ARSK: variants seen among roughly 807,000 people sequenced by gnomAD.
ARSK encodes arylsulfatase K.
Under a neutral mutation model 53.2 loss-of-function variants are expected in ARSK, and 37 were observed. The ratio of observed to expected loss-of-function variants is 0.70; its 90% CI spans 0.54 to 0.92. The LOEUF (loss-of-function observed/expected upper bound fraction) is 0.92. Ranked by LOEUF, ARSK falls within the 40% of genes least tolerant of loss-of-function variation. The pLI is 0.00. For missense variants in ARSK, 613 were observed against 643.0 expected (o/e 0.95, Z 0.51); for synonymous variants, 208 against 223.2 (o/e 0.93, Z 0.61).
chr5:95,582,209 G>A (rs1472518293), intron 3 of ARSK, among the ~76,000 whole-genome samples: 2 of 152,060 alleles, frequency 1.3e-5, no homozygotes, highest in Non-Finnish European at 2.9e-5. Context: ...CACCAATTAT[G>A]TCAGCTACAT....
chr5:95,593,810 G>T (rs180765806), intron 6 of ARSK, among the ~76,000 whole-genome samples: 1 of 151,886 alleles, frequency 6.6e-6, no homozygotes, highest in East Asian at 1.9e-4. Context: ...GCACCTGTAG[G>T]TTTTTTTCCT....
At chr5:95,594,395 T>G (rs947199540) in intron 6 of ARSK, among the ~76,000 whole-genome samples, 3 of 152,140 alleles carry the variant, frequency 2.0e-5, no homozygotes, top group African/African-American at 7.2e-5. Context: ...TCAAAAGAAA[T>G]AAGCAATTCA....
At chr5:95,561,725 GC>G (rs1179077790) in intron 1 of ARSK, among the ~76,000 whole-genome samples, 1 of 152,234 alleles carries the variant, frequency 6.6e-6, no homozygotes. Context: ...GTTAGTGGTT[GC>G]CTAGGCTTCA....
At chr5:95,585,164 C>A (rs539581278) in intron 4 of ARSK, among the ~76,000 whole-genome samples, 8 of 152,164 alleles carry the variant, frequency 5.3e-5, no homozygotes, top group African/African-American at 9.6e-5. Flanking sequence ...TGGTCATAAT[C>A]AAAAAATAAT....
intron 7 of ARSK, 107 bp downstream of exon 7, chr5:95,601,178 C>A: frequency 1.9e-6 from 2 of 1,079,752 alleles, no homozygotes; most frequent in Non-Finnish European, 2.7e-6. Context: ...TGAATATCTG[C>A]TGCTTCTCAT....
At chr5:95,577,592 A>T (rs1021685569) in intron 3 of ARSK, among the ~76,000 whole-genome samples, 2 of 152,028 alleles carry the variant, frequency 1.3e-5, no homozygotes, top group African/African-American at 4.8e-5. Flanking sequence ...TACATTAAAC[A>T]TGTATACTCT....
At chr5:95,579,540 G>A (rs1748987724) in intron 3 of ARSK, among the ~76,000 whole-genome samples, 2 of 152,182 alleles carry the variant, frequency 1.3e-5, no homozygotes, top group South Asian at 4.1e-4. Flanking sequence ...GTCCCATCAG[G>A]TCCCTCCCAC....
chr5:95,572,124 A>G (rs930356634), intron 3 of ARSK, among the ~76,000 whole-genome samples: 3 of 152,190 alleles, frequency 2.0e-5, no homozygotes, highest in African/African-American at 7.2e-5. Flanking sequence ...GTTTAGGAAC[A>G]CTAATTTAAT....
intron 7 of ARSK, among the ~76,000 whole-genome samples, chr5:95,602,619 T>C (rs1749422172): frequency 6.6e-6 from 1 of 152,218 alleles, no homozygotes; most frequent in African/African-American, 2.4e-5. Flanking sequence ...ACTAGTTATA[T>C]CCCTGTCTTC....
At chr5:95,597,620 G>C (rs776686272) in intron 6 of ARSK, among the ~76,000 whole-genome samples, 2 of 152,186 alleles carry the variant, frequency 1.3e-5, no homozygotes, top group Admixed American at 6.5e-5. Flanking sequence ...TAGGCCAGGC[G>C]TGGTGGCTCA....
intron 3 of ARSK, among the ~76,000 whole-genome samples, chr5:95,580,383 C>T (rs920375180): frequency 6.6e-6 from 1 of 152,038 alleles, no homozygotes; most frequent in African/African-American, 2.4e-5. Flanking sequence ...AGCATATGAG[C>T]GAAAGATATG....
chr5:95,557,949 T>C (rs1018736635), intron 1 of ARSK, among the ~76,000 whole-genome samples: 1 of 152,226 alleles, frequency 6.6e-6, no homozygotes, highest in Admixed American at 6.5e-5. Flanking sequence ...AGAAAATCTA[T>C]GAAAACTTGG....
chr5:95,597,914 G>A (rs147605641), intron 6 of ARSK, among the ~76,000 whole-genome samples: 10 of 124,168 alleles, frequency 8.1e-5, no homozygotes, highest in Non-Finnish European at 1.5e-4. Flanking sequence ...AGTGGGGGGC[G>A]GGTAATAGTG....
In ARSK at chr5:95,568,208, A is replaced by G. The variant is rs371376748; in HGVS notation, c.416+159A>G. On this transcript the variant is annotated intron_variant, in intron 3 of 7. Transcript: ENST00000380009. ...TAGGCTGAAATTTTAGCTTTCTTTC[A>G]TCTTCCTAAAACATTAAAATGGCTA... 7.0e-4 allele frequency among the ~76,000 whole-genome samples: 107 copies of G among 152,264 alleles called. 1 individual carries two copies. The South Asian group carries it at 0.022, about 31-fold the overall frequency.
intron 1 of ARSK, among the ~76,000 whole-genome samples, chr5:95,560,434 T>G (rs551977048): frequency 6.6e-6 from 1 of 152,214 alleles, no homozygotes; most frequent in East Asian, 1.9e-4. Flanking sequence ...CCTCCCAATT[T>G]TAAAGCTTAT....
At chr5:95,561,063 C>G (rs1486123042) in intron 1 of ARSK, among the ~76,000 whole-genome samples, 1 of 152,164 alleles carries the variant, frequency 6.6e-6, no homozygotes, top group South Asian at 2.1e-4. Context: ...CCCGCCTAGG[C>G]CTCCCAAAGT....
chr5:95,590,893 C>T (rs1749200229), intron 5 of ARSK, among the ~76,000 whole-genome samples: 1 of 152,104 alleles, frequency 6.6e-6, no homozygotes. Context: ...TTCCATAATC[C>T]TCAGCCAACT....
intron 4 of ARSK, among the ~76,000 whole-genome samples, chr5:95,583,650 T>C (rs768893807): frequency 6.6e-6 from 1 of 152,184 alleles, no homozygotes; most frequent in African/African-American, 2.4e-5. Flanking sequence ...CTAATATTTA[T>C]ATAGTGCACT....
intron 7 of ARSK, 117 bp downstream of exon 7, chr5:95,601,188 T>TGAGAA (rs1749397574): frequency 1.0e-6 from 1 of 1,001,090 alleles, no homozygotes; most frequent in African/African-American, 1.6e-5. Context: ...CTGCTTCTCA[T>TGAGAA]GCTAGGACGA....
Sources: allele counts gnomAD v4.1 joint callset (sites outside exome capture counted in the v4.1 genomes callset), GRCh38; gene constraint gnomAD v4.1.1; transcripts MANE v1.5; gene names NCBI Gene and HGNC (gene_info 2026-07-23, HGNC 2026-07-21).